Variants in RARB observed in about 807,000 individuals in gnomAD.
The protein encoded by RARB is retinoic acid receptor beta, also known as HBV-activated protein.
RARB carries 17 observed loss-of-function variants against 51.9 expected under a neutral mutation model. The ratio of observed to expected loss-of-function variants is 0.33; its 90% CI spans 0.22 to 0.49. The LOEUF (loss-of-function observed/expected upper bound fraction) is 0.49, where lower values mean the gene tolerates loss of function less well. RARB is among the 20% of genes least tolerant of loss of function. RARB has a pLI of 0.99. For synonymous variants in RARB, 215 were observed against 195.4 expected, an observed-to-expected ratio of 1.10 and a Z score of -0.84; for missense variants, 369 against 550.8, an observed-to-expected ratio of 0.67 and a Z score of 3.30.
chr3:25,212,759 T>C (rs115867748), intron 5 of RARB, among the ~76,000 whole-genome samples: 2,641 of 152,312 alleles, frequency 0.017, 80 homozygotes, highest in African/African-American at 0.06. Flanking sequence ...TTTCCACTTT[T>C]TTTGTGAGTA....
Position 25,441,400 on chromosome 3 carries a change from T to A in RARB, c.157+12512T>A, listed in dbSNP as rs188098184. 2.0e-3 allele frequency: 443 copies of A among 219,086 alleles called. 1 individual carries two copies. Among genetic ancestry groups the A allele is most frequent in the African/African-American group, 9.6e-3 (412 of 43,000 alleles). 13.6% of individuals were successfully genotyped at this position (219,086 alleles called of 1,614,324 possible). On this transcript the variant is annotated intron_variant, in intron 1 of 7. Coordinates refer to ENST00000330688, the MANE Select transcript of RARB (RefSeq NM_000965.5). ...AGCCTAATTTCACGGAGTACCCCAG[T>A]CCCAGGCCTGTAACAATGAGGTTTC...
intron 5 of RARB, among the ~76,000 whole-genome samples, chr3:25,282,152 A>G (rs973261009): frequency 1.3e-5 from 2 of 152,214 alleles, no homozygotes; most frequent in African/African-American, 4.8e-5. Flanking sequence ...CTTAGGAATT[A>G]GGTGCCAGAT....
In RARB at chr3:25,518,163, TA is replaced by T. The variant is rs576333423; in HGVS notation, c.448+16844del. ...CTTAATTTTAAAAAACCGATGATTT[TA>T]AAATGTTAGGTTAATTGATGTAAGG... On this transcript the variant is annotated intron_variant, in intron 3 of 7. Coordinates refer to ENST00000330688, the MANE Select transcript of RARB (RefSeq NM_000965.5). 2.9e-3 allele frequency among the ~76,000 whole-genome samples: 445 copies of T among 152,292 alleles called. 4 individuals are homozygous for T. Among genetic ancestry groups the T allele is most frequent in the African/African-American group, 0.01 (424 of 41,560 alleles).
chr3:25,191,612 T>A (rs1701105561), intron 5 of RARB, among the ~76,000 whole-genome samples: 1 of 152,156 alleles, frequency 6.6e-6, no homozygotes, highest in African/African-American at 2.4e-5. Context: ...ATCACTTTGC[T>A]GGATTGTGTT....
At position 25,118,343 on chromosome 3, in the gene RARB, T is replaced by C. The variant is rs546354096; in HGVS notation, c.-327-13818T>C. Among the ~76,000 whole-genome samples, 7 of 152,282 alleles carry C rather than the reference T, an allele frequency of 4.6e-5. No individual in the cohort carries two copies. The South Asian group carries it at 1.5e-3, about 32-fold the overall frequency. Reference sequence around the variant, plus strand: ...ACCTGATGTGGTCCAGATTTGTCACTTTATCATGATCTGCCATCTATCCCA... The same window carrying C: ...ACCTGATGTGGTCCAGATTTGTCACCTTATCATGATCTGCCATCTATCCCA... On this transcript the variant is annotated intron_variant, in intron 3 of 11. Transcript: ENST00000383772.
chr3:24,866,533 G>C (rs918945233), intron 2 of RARB, among the ~76,000 whole-genome samples: 3 of 152,164 alleles, frequency 2.0e-5, no homozygotes, highest in African/African-American at 4.8e-5. Flanking sequence ...AATAGGCTTC[G>C]TGGGGGGAAT....
At chr3:25,318,320 T>C (rs1316724213) in intron 5 of RARB, among the ~76,000 whole-genome samples, 2 of 152,188 alleles carry the variant, frequency 1.3e-5, no homozygotes, top group Non-Finnish European at 1.5e-5. Flanking sequence ...TTGCAGTTCC[T>C]TGGGGTACAT....
chr3:25,174,677 G>T, intron 5 of RARB: 2 of 1,109,894 alleles, frequency 1.8e-6, no homozygotes, highest in Non-Finnish European at 2.4e-6. Context: ...TTATTTCATT[G>T]GGTGCTGGTT....
chr3:25,277,818 C>G (rs1291727295), intron 5 of RARB, among the ~76,000 whole-genome samples: 1 of 152,154 alleles, frequency 6.6e-6, no homozygotes, highest in African/African-American at 2.4e-5. Flanking sequence ...ACACAAGTAA[C>G]TCAAACCTAG....
intron 5 of RARB, among the ~76,000 whole-genome samples, chr3:25,191,931 C>CG (rs1346006546): frequency 6.6e-6 from 1 of 151,946 alleles, no homozygotes; most frequent in Non-Finnish European, 1.5e-5. Context: ...GCAGACGAGG[C>CG]GGGGGTGTGG....
chr3:25,513,661 TACACAC>T lies in RARB; in HGVS notation c.448+12358_448+12363del, dbSNP rs10525876. Among the ~76,000 whole-genome samples, 4 of 145,094 alleles carry T rather than the reference TACACAC, an allele frequency of 2.8e-5. No homozygotes were observed. In the East Asian group the frequency reaches 6.1e-4, roughly 22 times the overall value. Reference sequence around the variant, plus strand: ...ACAGAGATTTACTTTCTCTCAAAACTACACACACACACACACACACACACATTTCAT... The same window carrying T: ...ACAGAGATTTACTTTCTCTCAAAACTACACACACACACACACACATTTCAT... On this transcript the variant is annotated intron_variant, in intron 3 of 7. Coordinates refer to ENST00000330688, the MANE Select transcript of RARB (RefSeq NM_000965.5).
At chr3:25,284,797 AAACACAGT>A (rs1309340238) in intron 5 of RARB, among the ~76,000 whole-genome samples, 1 of 152,174 alleles carries the variant, frequency 6.6e-6, no homozygotes, top group Admixed American at 6.5e-5. Flanking sequence ...CACAAATCAA[AAACACAGT>A]ATTCACGGGA....
intron 4 of RARB, among the ~76,000 whole-genome samples, chr3:25,150,473 G>A (rs899850424): frequency 1.3e-5 from 2 of 152,114 alleles, no homozygotes; most frequent in African/African-American, 4.8e-5. Flanking sequence ...CTTTGGGGAG[G>A]GAGTGGTTCA....
At chr3:25,085,905 TA>T (rs139645739) in intron 3 of RARB, among the ~76,000 whole-genome samples, 2,103 of 152,290 alleles carry the variant, frequency 0.014, 54 homozygotes, top group East Asian at 0.063. Flanking sequence ...ATGTAATGTT[TA>T]AATGTGAAGG....
At chr3:25,205,015 C>G (rs1340163374) in intron 5 of RARB, among the ~76,000 whole-genome samples, 1 of 152,150 alleles carries the variant, frequency 6.6e-6, no homozygotes, top group Non-Finnish European at 1.5e-5. Context: ...TATGCCTTGC[C>G]CCCAGAGGTG....
chr3:25,347,464 A>ATT (rs1308003515), intron 5 of RARB, among the ~76,000 whole-genome samples: 1 of 152,206 alleles, frequency 6.6e-6, no homozygotes, highest in Non-Finnish European at 1.5e-5. Flanking sequence ...AAAATTATCA[A>ATT]TTATATATAA....
chr3:25,225,376 AAAGGGT>A (rs1479250561), intron 5 of RARB, among the ~76,000 whole-genome samples: 1 of 152,148 alleles, frequency 6.6e-6, no homozygotes, highest in African/African-American at 2.4e-5. Flanking sequence ...ATCTCTATGA[AAAGGGT>A]AATATCTGAG....
intron 3 of RARB, among the ~76,000 whole-genome samples, chr3:25,510,794 A>C (rs1375683059): frequency 2.0e-5 from 3 of 152,194 alleles, no homozygotes; most frequent in Non-Finnish European, 2.9e-5. Context: ...TTCCTTTCCA[A>C]TATTTATTGT....
chr3:25,464,314 G>A (rs528026532), intron 2 of RARB, among the ~76,000 whole-genome samples: 1 of 152,232 alleles, frequency 6.6e-6, no homozygotes, highest in Admixed American at 6.5e-5. Flanking sequence ...AGTTCTCTGA[G>A]CTTAGTTTGG....
Sources: allele counts gnomAD v4.1 joint callset (sites outside exome capture counted in the v4.1 genomes callset), GRCh38; gene constraint gnomAD v4.1.1; transcripts MANE v1.5; gene names NCBI Gene and HGNC (gene_info 2026-07-23, HGNC 2026-07-21).